Variants in PARP10 observed in about 807,000 individuals in gnomAD.
The protein encoded by PARP10 is protein mono-ADP-ribosyltransferase PARP10.
PARP10 carries 56 observed loss-of-function variants against 82.4 expected under a neutral mutation model. That is an observed-to-expected ratio of 0.68 (90% confidence interval 0.55 to 0.85). PARP10 has a LOEUF of 0.85. Ranked by LOEUF, PARP10 falls within the 40% of genes least tolerant of loss-of-function variation. PARP10 has a pLI of 0.00. For missense variants in PARP10, 1,227 were observed against 1,379.4 expected (o/e 0.89, Z 1.75); for synonymous variants, 576 against 601.1 (o/e 0.96, Z 0.61).
In PARP10 at chr8:143,977,985, G is replaced by A; in HGVS notation, c.2653C>T (p.Leu885=). The part of the protein sequence containing the change: ...RCERRPVEQV[L]YHGTTAPAVP... ...GCCGGTGCCGTCGTGCCGTGGTACA[G>A]CACCTGCTCCACCGGGCGCCGCTCG... Residue 885 remains leucine (L), a synonymous_variant, in exon 10 of 11, where the codon CTG becomes TTG. Coordinates refer to ENST00000313028, the MANE Select transcript of PARP10 (RefSeq NM_032789.5). The A allele has an allele frequency of 6.3e-7, 1 of 1,596,418 alleles. No homozygotes were observed. The highest frequency in any genetic ancestry group is 1.1e-5 in the South Asian group (1 of 90,504).
At chr8:143,979,509 T>C (rs1554747174) in intron 9 of PARP10, among the ~76,000 whole-genome samples, 2 of 152,228 alleles carry the variant, frequency 1.3e-5, no homozygotes, top group African/African-American at 2.4e-5. Context: ...AAACTAGTAA[T>C]GAAGAATGAG....
upstream of PARP10, among the ~76,000 whole-genome samples, chr8:143,988,080 C>G (rs1369548328): frequency 1.3e-5 from 2 of 149,988 alleles, no homozygotes; most frequent in Non-Finnish European, 3.0e-5. Flanking sequence ...TGGCCCTTCC[C>G]TCTGCTTGGC....
Position 144,011,034 on chromosome 8 carries a change from G to C in PARP10, c.-80+1496C>G, listed in dbSNP as rs1834277641. The stretch of plus-strand genomic sequence containing the variant: ...TTGTAGCTATTAATCACGTCTATTA[G>C]ACGTCTAATAGACGTGATTAATAGC... On this transcript the variant is annotated intron_variant, in intron 1 of 3. Transcript: ENST00000530478. The surrounding 1 kb of genome is among the most constrained non-coding windows in gnomAD (Gnocchi z 4.5). Among the ~76,000 whole-genome samples the C allele has an allele frequency of 6.6e-6, 1 of 151,648 alleles. No homozygotes were observed. The highest frequency in any genetic ancestry group is 1.5e-5 in the Non-Finnish European group (1 of 67,926).
intron 9 of PARP10, among the ~76,000 whole-genome samples, chr8:143,979,515 A>T (rs1362448804): frequency 6.6e-6 from 1 of 152,272 alleles, no homozygotes; most frequent in Non-Finnish European, 1.5e-5. Flanking sequence ...GTAATGAAGA[A>T]TGAGGACAAA....
At chr8:143,982,507 A>C (rs1349248518) in intron 9 of PARP10, among the ~76,000 whole-genome samples, 2 of 152,208 alleles carry the variant, frequency 1.3e-5, no homozygotes, top group African/African-American at 2.4e-5. Context: ...TGTCATCAGC[A>C]CAGTGACCGC....
rs147926363 is a variant in PARP10, at chr8:143,996,504, C to A, written c.-79-10066G>T. Among the ~76,000 whole-genome samples the A allele has an allele frequency of 2.6e-3, 397 of 152,340 alleles. 5 individuals carry two copies. Among genetic ancestry groups the A allele is most frequent in the African/African-American group, 9.1e-3 (378 of 41,582 alleles). ...CACTGCCTCTGGCTAACTGGGGCCA[C>A]TGTTCTGCAGCTCTGGATTGGAAGC... On this transcript the variant is annotated intron_variant, in intron 1 of 3. Transcript: ENST00000530478.
At chr8:143,991,809 G>A (rs782090499), upstream of PARP10, 5 of 1,611,018 alleles carry the variant, frequency 3.1e-6, no homozygotes, top group Admixed American at 1.7e-5. Flanking sequence ...CGCAAGGTGG[G>A]TAGGGGCATC....
upstream of PARP10, chr8:143,987,135 C>T (rs1230804828): frequency 2.6e-5 from 4 of 152,438 alleles, no homozygotes; most frequent in African/African-American, 9.7e-5. Context: ...CTAATCCTCA[C>T]CACAGAAAGG....
intron 1 of PARP10, among the ~76,000 whole-genome samples, chr8:144,000,908 GTT>G (rs781813743): frequency 1.5e-4 from 7 of 48,044 alleles, no homozygotes; most frequent in African/African-American, 4.1e-4. Context: ...TTGTGTGTGT[GTT>G]TTTTTTTTTT....
chr8:143,984,345 C>T lies in PARP10; in HGVS notation c.1545G>A (p.Leu515=). 6.2e-7 allele frequency: 1 copy of T among 1,613,768 alleles called. No homozygotes were observed. Among genetic ancestry groups the T allele is most frequent in the South Asian group, 1.1e-5 (1 of 91,090 alleles). The change falls in exon 6 of 11, where the codon CTG becomes CTA. Residue 515 remains leucine, a synonymous_variant. Coordinates refer to ENST00000313028, the MANE Select transcript of PARP10 (RefSeq NM_032789.5). The stretch of plus-strand genomic sequence containing the variant: ...GAAACCTGGCGCTGCCCGGGTGCTC[C>T]AGGCACAACACATGGCAGCTAATGC... ...LGSISCHVLC[L]EHPGSARFLL... is the part of the protein sequence containing the mutation.
chr8:143,985,028 C>T lies in PARP10; in HGVS notation c.974G>A (p.Gly325Asp). ...QGRGIMTTGS[G>D]QEPGQSGTSL... is the part of the protein sequence containing the mutation. Reference sequence around the variant, plus strand: ...GGTCCCTGACTGCCCTGGTTCCTGGCCAGAGCCTGTTGTCATAATCCCTCT... The same window carrying T: ...GGTCCCTGACTGCCCTGGTTCCTGGTCAGAGCCTGTTGTCATAATCCCTCT... The change falls in exon 5 of 11, where the codon GGC becomes GAC. Residue 325 changes from glycine to aspartate, a missense_variant. Coordinates refer to ENST00000313028, the MANE Select transcript of PARP10 (RefSeq NM_032789.5). The T allele has an allele frequency of 6.2e-7, 1 of 1,613,892 alleles. No individual in the cohort carries two copies. Among genetic ancestry groups the T allele is most frequent in the South Asian group, 1.1e-5 (1 of 91,084 alleles).
upstream of PARP10, among the ~76,000 whole-genome samples, chr8:143,996,095 C>A (rs1554751278): frequency 6.6e-6 from 1 of 152,214 alleles, no homozygotes; most frequent in Non-Finnish European, 1.5e-5. Context: ...CTTTCCAGCA[C>A]CCTCTTAACA....
In PARP10 at chr8:143,983,737, C is replaced by T; in HGVS notation, c.1852G>A (p.Glu618Lys). The change falls in exon 8 of 11, where the codon GAG (glutamate) becomes AAG (lysine). Residue 618 changes from glutamate to lysine, a missense_variant. Transcript: ENST00000313028. ...DGEDWLPREL[E>K]EEGPQEQPEE... ...GGCTGCTCCTGAGGCCCTTCCTCCTCCAGCTCCCGAGGCAGCCAGTCCTCC... is the reference window on the plus strand; with the variant it reads ...GGCTGCTCCTGAGGCCCTTCCTCCTTCAGCTCCCGAGGCAGCCAGTCCTCC... The T allele has an allele frequency of 1.2e-6, 2 of 1,612,142 alleles. No individual in the cohort carries two copies. Among genetic ancestry groups the T allele is most frequent in the Middle Eastern group, 1.7e-4 (1 of 6,058 alleles).
chr8:143,993,861 C>T (rs1294332628), upstream of PARP10, among the ~76,000 whole-genome samples: 6 of 152,238 alleles, frequency 3.9e-5, no homozygotes, highest in Admixed American at 3.3e-4. Flanking sequence ...TCTCCAGCCT[C>T]CCCATGAGAA....
chr8:143,992,018 C>T (rs782749182), upstream of PARP10: 1 of 1,613,948 alleles, frequency 6.2e-7, no homozygotes, highest in Non-Finnish European at 8.5e-7. Context: ...TCATCTCTCT[C>T]ATCGTCCTCA....
chr8:144,012,739 G>C, exon 1 of PARP10: 4 of 1,551,190 alleles, frequency 2.6e-6, no homozygotes, highest in Non-Finnish European at 3.5e-6. Flanking sequence ...AAGAGGCCTC[G>C]CTCCCAAGAG....
At chr8:143,986,486 G>A, upstream of PARP10, 1 of 1,491,656 alleles carries the variant, frequency 6.7e-7, no homozygotes, top group Non-Finnish European at 9.3e-7. Context: ...AAGGAGGGAG[G>A]GAGCAGCTGG....
intron 9 of PARP10, among the ~76,000 whole-genome samples, chr8:143,980,881 G>A (rs1405734941): frequency 3.9e-5 from 6 of 152,084 alleles, no homozygotes; most frequent in Admixed American, 2.6e-4. Flanking sequence ...TATGGCCCAC[G>A]CATGGAGGCT....
chr8:143,982,816 C>G, intron 9 of PARP10, 116 bp downstream of exon 9: 1 of 1,490,544 alleles, frequency 6.7e-7, no homozygotes. Flanking sequence ...AGCCTGTCAG[C>G]TCCTGGTCAG....
Sources: gnomAD v4.1 joint callset for allele counts (sites outside exome capture counted in the v4.1 genomes callset) on GRCh38, gnomAD v4.1.1 for gene constraint, Gnocchi (gnomAD v3.1) non-coding constraint, MANE v1.5 for transcripts, NCBI Gene and HGNC (gene_info 2026-07-23, HGNC 2026-07-21) for gene names.